The following TRPS1 variants were observed in gnomAD, a reference collection of about 807,000 sequenced individuals.
TRPS1 encodes transcriptional repressor GATA binding 1, also known as zinc finger transcription factor Trps1.
Under a neutral mutation model 101.2 loss-of-function variants are expected in TRPS1, and 6 were observed. The observed-to-expected ratio is 0.06, with a 90% confidence interval of 0.03 to 0.12. The LOEUF is 0.12. Ranked by LOEUF, TRPS1 falls within the 10% of genes least tolerant of loss-of-function variation. The pLI is 1.00. For synonymous variants in TRPS1, 578 were observed against 589.8 expected, an observed-to-expected ratio of 0.98 and a Z score of 0.29; for missense variants, 1,363 against 1,567.0, an observed-to-expected ratio of 0.87 and a Z score of 2.20.
In TRPS1 at chr8:115,509,709, T is replaced by C. The variant is rs567141463; in HGVS notation, c.2700+77292A>G. On this transcript the variant is annotated intron_variant, in intron 5 of 6. Coordinates refer to ENST00000395715, the MANE Select transcript of TRPS1 (RefSeq NM_014112.5). Reference sequence around the variant, plus strand: ...ACAAATAAGGAACCCATTGACGTCCTAGTAGGCTGAGCTCGACGTGAGTGA... The same window carrying C: ...ACAAATAAGGAACCCATTGACGTCCCAGTAGGCTGAGCTCGACGTGAGTGA... 2.6e-5 allele frequency: 4 copies of C among 152,162 alleles called. No homozygotes were observed. The South Asian group carries it at 6.2e-4, about 24-fold the overall frequency. 9.4% of individuals were successfully genotyped at this position (152,162 alleles called of 1,614,324 possible).
chr8:115,584,669 G>A (rs1394682724), intron 5 of TRPS1, among the ~76,000 whole-genome samples: 2 of 149,822 alleles, frequency 1.3e-5, no homozygotes, highest in African/African-American at 4.9e-5. Context: ...ATGAATTAGA[G>A]GTAGGTAATT....
rs1014304800 is a variant in TRPS1, at chr8:115,411,405, T to C, written c.*2618A>G. The C allele has an allele frequency of 1.3e-5, 2 of 152,384 alleles. No homozygotes were observed. Among genetic ancestry groups the C allele is most frequent in the Admixed American group, 6.6e-5 (1 of 15,246 alleles). 9.4% of individuals were successfully genotyped at this position (152,384 alleles called of 1,614,324 possible). Reference sequence around the variant, plus strand: ...TTTGCCCAAAAAGTAATACTTGTCATATTGCCCAAGTTAACCAAACTTCTG... The same window carrying C: ...TTTGCCCAAAAAGTAATACTTGTCACATTGCCCAAGTTAACCAAACTTCTG... On this transcript the variant is annotated 3_prime_UTR_variant, in exon 7 of 7. Transcript: ENST00000395715.
intron 5 of TRPS1, among the ~76,000 whole-genome samples, chr8:115,462,942 C>T (rs1425723414): frequency 6.6e-6 from 1 of 152,092 alleles, no homozygotes; most frequent in Non-Finnish European, 1.5e-5. Flanking sequence ...CCCAAATTTA[C>T]CAAATACAGG....
At chr8:115,440,892 C>T (rs1363843998) in intron 5 of TRPS1, among the ~76,000 whole-genome samples, 2 of 152,158 alleles carry the variant, frequency 1.3e-5, no homozygotes, top group East Asian at 3.8e-4. Flanking sequence ...TTTTGGGCCA[C>T]ACTGAATGTT....
chr8:115,514,922 A>G (rs962964254), intron 5 of TRPS1, among the ~76,000 whole-genome samples: 3 of 151,772 alleles, frequency 2.0e-5, no homozygotes, highest in South Asian at 4.1e-4. Flanking sequence ...CCAGTGTAGA[A>G]AAAAAGAATA....
intron 5 of TRPS1, among the ~76,000 whole-genome samples, chr8:115,573,187 G>T (rs1817244978): frequency 6.6e-6 from 1 of 152,008 alleles, no homozygotes; most frequent in African/African-American, 2.4e-5. Flanking sequence ...AGGCTACTTG[G>T]ACATGATCCA....
chr8:115,619,532 C>T lies in TRPS1; in HGVS notation c.566G>A (p.Gly189Asp), dbSNP rs375309989. The change falls in exon 3 of 7, where the codon GGT (glycine) becomes GAT (aspartate). Residue 189 changes from glycine (G) to aspartate (D), a missense_variant. Transcript: ENST00000395715. Reference protein sequence around the residue: ...QAQSGQANCQGLSPVSVASKN... With the variant: ...QAQSGQANCQDLSPVSVASKN... ...TGAGGCCACTGAAACTGGGCTCAAA[C>T]CTTGACAATTGGCTTGACCACTCTG... is the stretch of plus-strand genomic sequence containing the variant. 6.2e-7 allele frequency: 1 copy of T among 1,614,062 alleles called. No homozygotes were observed. The highest frequency in any genetic ancestry group is 8.5e-7 in the Non-Finnish European group (1 of 1,180,040).
intron 5 of TRPS1, among the ~76,000 whole-genome samples, chr8:115,488,479 A>G (rs982419355): frequency 2.6e-5 from 4 of 152,148 alleles, no homozygotes; most frequent in African/African-American, 9.7e-5. Flanking sequence ...TCATGAGGTC[A>G]AGAGATCGAG....
At chr8:115,463,152 A>G (rs1814230690) in intron 5 of TRPS1, among the ~76,000 whole-genome samples, 1 of 152,192 alleles carries the variant, frequency 6.6e-6, no homozygotes. Flanking sequence ...TTGGCTGCTG[A>G]GATAGGTTCA....
intron 5 of TRPS1, among the ~76,000 whole-genome samples, chr8:115,549,766 G>C (rs1399754655): frequency 6.6e-6 from 1 of 151,838 alleles, no homozygotes; most frequent in African/African-American, 2.4e-5. Context: ...GAGTTTTACT[G>C]GATAAACTCA....
At chr8:115,495,006 C>T (rs1815113815) in intron 5 of TRPS1, among the ~76,000 whole-genome samples, 1 of 152,086 alleles carries the variant, frequency 6.6e-6, no homozygotes, top group African/African-American at 2.4e-5. Context: ...CTGAATTTTA[C>T]CTGGCTCAAA....
At chr8:115,575,104 C>A (rs116930324) in intron 5 of TRPS1, among the ~76,000 whole-genome samples, 1 of 152,004 alleles carries the variant, frequency 6.6e-6, no homozygotes, top group Non-Finnish European at 1.5e-5. Context: ...ACTGTTGGGA[C>A]GCCAATTCTC....
intron 5 of TRPS1, among the ~76,000 whole-genome samples, chr8:115,571,927 G>A (rs987212244): frequency 9.9e-5 from 15 of 151,478 alleles, no homozygotes; most frequent in Non-Finnish European, 2.1e-4. Context: ...ATTTATATCT[G>A]AATAAACGCT....
chr8:115,461,015 G>C (rs1010612064), intron 5 of TRPS1, among the ~76,000 whole-genome samples: 3 of 152,106 alleles, frequency 2.0e-5, no homozygotes, highest in Admixed American at 2.0e-4. Flanking sequence ...TTTTGCCTGA[G>C]AGCTTCACGC....
At chr8:115,628,598 T>C (rs568235633) in intron 1 of TRPS1, among the ~76,000 whole-genome samples, 11 of 151,908 alleles carry the variant, frequency 7.2e-5, no homozygotes, top group African/African-American at 2.6e-4. Flanking sequence ...GCTTTATATA[T>C]GGGCAAAAAA....
chr8:115,532,953 A>G (rs1816170839), intron 5 of TRPS1, among the ~76,000 whole-genome samples: 1 of 152,194 alleles, frequency 6.6e-6, no homozygotes. Flanking sequence ...GATTAGAGAC[A>G]ACAACCCACA....
intron 5 of TRPS1, among the ~76,000 whole-genome samples, chr8:115,487,768 A>G (rs1335371628): frequency 6.6e-6 from 1 of 152,234 alleles, no homozygotes. Flanking sequence ...TGAACCAATA[A>G]GGAGTTGCTT....
At chr8:115,455,073 A>C (rs958610572) in intron 5 of TRPS1, among the ~76,000 whole-genome samples, 13 of 152,212 alleles carry the variant, frequency 8.5e-5, no homozygotes, top group African/African-American at 3.1e-4. Flanking sequence ...AATAATGCAA[A>C]ATATCTGCTG....
intron 5 of TRPS1, among the ~76,000 whole-genome samples, chr8:115,535,208 GTATAGCATA>G (rs1403323043): frequency 9.0e-6 from 1 of 110,704 alleles, no homozygotes; most frequent in Non-Finnish European, 1.8e-5. Context: ...TATAGCATAT[GTATAGCATA>G]TATAGCATAT....
Sources: gnomAD v4.1 joint callset for allele counts (sites outside exome capture counted in the v4.1 genomes callset) on GRCh38, gnomAD v4.1.1 for gene constraint, MANE v1.5 for transcripts, NCBI Gene and HGNC (gene_info 2026-07-23, HGNC 2026-07-21) for gene names.